RBMX2: variants seen among roughly 807,000 people sequenced by gnomAD.
RBMX2 encodes the protein RNA-binding motif protein, X-linked 2.
For synonymous variants in RBMX2, 77 were observed against 94.3 expected (o/e 0.82, Z 1.07); for missense variants, 191 against 256.0 (o/e 0.75, Z 1.73).
At chrX:130,407,996 TCTTC>T (rs1268356930) in intron 3 of RBMX2, among the ~76,000 whole-genome samples, 1 of 111,098 alleles carries the variant, frequency 9.0e-6, no homozygotes, top group Non-Finnish European at 1.9e-5. Flanking sequence ...CCTATTTCTA[TCTTC>T]CTTTTTGTTT....
At position 130,412,804 on chromosome X, in the gene RBMX2, C is replaced by A; in HGVS notation, c.925C>A (p.Arg309=). The A allele has an allele frequency of 8.3e-7, 1 of 1,210,380 alleles. No individual in the cohort carries two copies. Among genetic ancestry groups the A allele is most frequent in the South Asian group, 1.8e-5 (1 of 56,814 alleles). ...SHRHKRARRS[R]ERESSNPSDR... is the part of the protein sequence containing the mutation. Reference sequence around the variant, plus strand: ...TAGGCATAAAAGGGCCCGACGCTCCCGGGAGCGGGAGTCTTCGAATCCCAG... The same window carrying A: ...TAGGCATAAAAGGGCCCGACGCTCCAGGGAGCGGGAGTCTTCGAATCCCAG... Residue 309 remains arginine, a synonymous_variant, in exon 6 of 6, where the codon CGG becomes AGG. Coordinates refer to ENST00000305536, the MANE Select transcript of RBMX2 (RefSeq NM_016024.4).
At chrX:130,402,530 C>G (rs935782715) in intron 2 of RBMX2, among the ~76,000 whole-genome samples, 160 bp downstream of exon 2, 95 of 111,565 alleles carry the variant, frequency 8.5e-4, no homozygotes, top group African/African-American at 3.0e-3. Context: ...CTTTTCTGCC[C>G]CATTTTTAGT....
intron 3 of RBMX2, among the ~76,000 whole-genome samples, chrX:130,404,607 T>C (rs1409883111): frequency 2.7e-5 from 3 of 112,444 alleles, no homozygotes; most frequent in African/African-American, 9.7e-5. Context: ...TTCAGAGAAG[T>C]TGGACAGCAT....
At chrX:130,403,341 C>A (rs1033546701) in intron 2 of RBMX2, among the ~76,000 whole-genome samples, 2 of 112,551 alleles carry the variant, frequency 1.8e-5, no homozygotes, top group African/African-American at 6.5e-5. Flanking sequence ...ACATGTACTT[C>A]TGTCATTGAG....
At chrX:130,408,934 G>T (rs894499341) in intron 3 of RBMX2, among the ~76,000 whole-genome samples, 2 of 111,815 alleles carry the variant, frequency 1.8e-5, no homozygotes, top group African/African-American at 6.5e-5. Context: ...TAAAATTTTT[G>T]ATTTCTTAAT....
chrX:130,402,146 G>A (rs1010131517), intron 1 of RBMX2, 109 bp downstream of exon 1: 62 of 1,158,558 alleles, frequency 5.4e-5, no homozygotes, highest in Non-Finnish European at 7.0e-5. Flanking sequence ...AGCGGCGCGG[G>A]GACTGGAACA....
chrX:130,403,044 T>A (rs1256090986), intron 2 of RBMX2, among the ~76,000 whole-genome samples: 1 of 112,821 alleles, frequency 8.9e-6, no homozygotes, highest in Non-Finnish European at 1.9e-5. Flanking sequence ...GAGGGGAAAT[T>A]ATTCCCTAGG....
chrX:130,410,161 C>T (rs758265951), intron 4 of RBMX2, among the ~76,000 whole-genome samples: 14 of 111,283 alleles, frequency 1.3e-4, no homozygotes, highest in Non-Finnish European at 2.6e-4. Context: ...TTAAGGAAGC[C>T]AGCAGTCAGA....
chrX:130,413,630 A>G lies in RBMX2; in HGVS notation c.*782A>G, dbSNP rs1313957792. Among the ~76,000 whole-genome samples the G allele has an allele frequency of 2.0e-5, 2 of 102,516 alleles. No individual in the cohort carries two copies. The highest frequency in any genetic ancestry group is 3.9e-5 in the Non-Finnish European group (2 of 51,087). 89.0% of individuals were successfully genotyped at this position (102,516 alleles called of 115,157 possible). On this transcript the variant is annotated 3_prime_UTR_variant, in exon 6 of 6. Transcript: ENST00000305536. ...CTGTTTATGGGTTTGCCTATTCTGG[A>G]TCTTTCATAAAAATGGAATTACACA...
chrX:130,402,229 T>TGCCCCC, intron 1 of RBMX2, 26 bp from the exon 2 acceptor site: 1 of 723,013 alleles, frequency 1.4e-6, no homozygotes, highest in Non-Finnish European at 1.9e-6. Context: ...CTGCCTACCC[T>TGCCCCC]CCCCACCCCC....
At chrX:130,402,225 A>ACCCAACCCCC in intron 1 of RBMX2, 30 bp from the exon 2 acceptor site, 2 of 984,786 alleles carry the variant, frequency 2.0e-6, no homozygotes, top group African/African-American at 2.0e-5. Context: ...TTTTCTGCCT[A>ACCCAACCCCC]CCCTCCCCAC....
At chrX:130,403,994 C>A in intron 3 of RBMX2, 141 bp downstream of exon 3, 1 of 570,443 alleles carries the variant, frequency 1.8e-6, no homozygotes, top group South Asian at 2.7e-5. Flanking sequence ...AGCTTCTGTT[C>A]TAGATCAGTC....
At position 130,412,967 on chromosome X, in the gene RBMX2, T is replaced by C; in HGVS notation, c.*119T>C. On this transcript the variant is annotated 3_prime_UTR_variant, in exon 6 of 6. Coordinates refer to ENST00000305536, the MANE Select transcript of RBMX2 (RefSeq NM_016024.4). ...CTGGGGCTGGATTCTTTTAATCCCT[T>C]GACTATTTAGAGTCATTGGGAGGGC... 1 of 772,318 alleles carries C rather than the reference T, an allele frequency of 1.3e-6. No individual in the cohort carries two copies. The highest frequency in any genetic ancestry group is 3.6e-5 in the East Asian group (1 of 28,097). The allele number at this position is 772,318 out of a possible 1,213,427, so 63.6% of individuals were successfully genotyped here. A position where few individuals can be genotyped will look rare whatever the true frequency, so the allele number is the denominator to read the frequency against.
At chrX:130,402,400 T>C (rs1603270951) in intron 2 of RBMX2, 30 bp downstream of exon 2, 2 of 1,191,229 alleles carry the variant, frequency 1.7e-6, no homozygotes, top group Non-Finnish European at 2.3e-6. Flanking sequence ...TCCTCAGTGC[T>C]CTCCAGATTC....
chrX:130,406,208 C>T (rs1003588997), intron 3 of RBMX2, among the ~76,000 whole-genome samples: 13 of 110,303 alleles, frequency 1.2e-4, no homozygotes, highest in African/African-American at 3.9e-4. Context: ...TATAGATTTG[C>T]AGCCCATTAT....
In RBMX2 at chrX:130,412,577, G is replaced by A; in HGVS notation, c.698G>A (p.Gly233Asp). The change falls in exon 6 of 6, where the codon GGT (glycine) becomes GAT (aspartate). Residue 233 changes from glycine (G) to aspartate (D), a missense_variant. Coordinates refer to ENST00000305536, the MANE Select transcript of RBMX2 (RefSeq NM_016024.4). ...CCCAAATCCAGGACGGCCTACTCTG[G>A]TGGAGCAGAGGACCTAGAGAGGGAG... ...KLPKSRTAYS[G>D]GAEDLERELK... 8.3e-7 allele frequency: 1 copy of A among 1,209,679 alleles called. No individual in the cohort carries two copies. Among genetic ancestry groups the A allele is most frequent in the Non-Finnish European group, 1.1e-6 (1 of 895,012 alleles).
chrX:130,402,005 C>T lies in RBMX2; in HGVS notation c.-28C>T. ...GCGCTGCCTTTCCCGGGCGCTGATT[C>T]CTGAGTGCTGAGCGCGAACCCGAGG... On this transcript the variant is annotated 5_prime_UTR_variant, in exon 1 of 6. Transcript: ENST00000305536. 20 of 1,190,818 alleles carry T rather than the reference C, an allele frequency of 1.7e-5. No homozygotes were observed. The highest frequency in any genetic ancestry group is 2.3e-5 in the Admixed American group (1 of 42,865).
At chrX:130,402,200 C>G in intron 1 of RBMX2, 55 bp from the exon 2 acceptor site, 1 of 1,182,235 alleles carries the variant, frequency 8.5e-7, no homozygotes, top group Non-Finnish European at 1.1e-6. Context: ...GGCCGGTTCG[C>G]ACTTACTTGT....
intron 2 of RBMX2, 141 bp from the exon 3 acceptor site, chrX:130,403,661 C>T (rs922924389): frequency 3.3e-5 from 18 of 553,438 alleles, no homozygotes; most frequent in Non-Finnish European, 4.9e-5. Flanking sequence ...GCGTGAGCCA[C>T]GGTGCCCAGC....
Sources: gnomAD v4.1 joint callset for allele counts (sites outside exome capture counted in the v4.1 genomes callset) on GRCh38, gnomAD v4.1.1 for gene constraint, MANE v1.5 for transcripts, NCBI Gene and HGNC (gene_info 2026-07-23, HGNC 2026-07-21) for gene names.